CARNMT1: variants seen among roughly 807,000 people sequenced by gnomAD.
CARNMT1 encodes carnosine N-methyltransferase 1, also known as protein-L-histidine N-pros-methyltransferase CARNMT1.
In CARNMT1, 28 loss-of-function variants were observed where a neutral mutation model predicts 49.6. The ratio of observed to expected loss-of-function variants is 0.56; its 90% CI spans 0.42 to 0.77. CARNMT1 has a LOEUF of 0.77. Among genes scored for constraint, CARNMT1 ranks in the 30% least tolerant of loss-of-function variants. CARNMT1 has a pLI of 0.00. For missense variants in CARNMT1, 421 were observed against 512.6 expected, an observed-to-expected ratio of 0.82 and a Z score of 1.73; for synonymous variants, 178 against 175.0, an observed-to-expected ratio of 1.02 and a Z score of -0.13.
intron 1 of CARNMT1, among the ~76,000 whole-genome samples, chr9:75,022,517 C>A (rs117446541): frequency 0.015 from 2,274 of 152,282 alleles, 28 homozygotes; most frequent in Middle Eastern, 0.031. Flanking sequence ...AGCCCCTACA[C>A]CTGGCCAGGA....
At chr9:75,016,166 C>T in intron 3 of CARNMT1, 102 bp downstream of exon 3, 1 of 849,726 alleles carries the variant, frequency 1.2e-6, no homozygotes, top group Non-Finnish European at 1.9e-6. Context: ...CATACAGGCA[C>T]ACAGCAACTA....
At chr9:75,016,528 A>C in intron 2 of CARNMT1, 97 bp from the exon 3 acceptor site, 8 of 1,158,998 alleles carry the variant, frequency 6.9e-6, no homozygotes, top group Non-Finnish European at 8.6e-6. Context: ...TAGGTGGTTT[A>C]GTGGATAAAT....
In CARNMT1 at chr9:75,017,504, T is replaced by C. The variant is rs547420060; in HGVS notation, c.231-56A>G. The stretch of plus-strand genomic sequence containing the variant: ...CAAAAGAATTCTCACCAGAGGCCAA[T>C]CTTACTTTAAGGTTGTCTTTCTGTA... On this transcript the variant is annotated intron_variant, in intron 1 of 7. Coordinates refer to ENST00000376834, the MANE Select transcript of CARNMT1 (RefSeq NM_152420.3). 5 of 1,443,130 alleles carry C rather than the reference T, an allele frequency of 3.5e-6. No individual in the cohort carries two copies. The African/African-American group carries it at 7.0e-5, about 20-fold the overall frequency. 89.4% of individuals were successfully genotyped at this position (1,443,130 alleles called of 1,614,324 possible).
At chr9:74,985,792 C>CTGG (rs1832818601) in intron 6 of CARNMT1, among the ~76,000 whole-genome samples, 1 of 152,178 alleles carries the variant, frequency 6.6e-6, no homozygotes, top group Non-Finnish European at 1.5e-5. Flanking sequence ...GTTGGCCAGG[C>CTGG]TGGTCTTGAA....
chr9:75,003,698 CATA>C (rs377757014), intron 3 of CARNMT1, among the ~76,000 whole-genome samples: 50 of 152,332 alleles, frequency 3.3e-4, no homozygotes, highest in African/African-American at 1.2e-3. Flanking sequence ...CTTTCACTAT[CATA>C]ATGTTAAAAC....
At chr9:74,986,774 T>C (rs757004275) in intron 6 of CARNMT1, among the ~76,000 whole-genome samples, 6 of 152,210 alleles carry the variant, frequency 3.9e-5, no homozygotes, top group Non-Finnish European at 7.3e-5. Flanking sequence ...CTACTGCTCA[T>C]TCTTCTTAAT....
In CARNMT1 at chr9:74,982,677, GA is replaced by G. The variant is rs571068932; in HGVS notation, c.*1089del. 1.2e-4 allele frequency: 18 copies of G among 151,992 alleles called. No homozygotes were observed. The South Asian group carries it at 3.5e-3, about 30-fold the overall frequency. The allele number at this position is 151,992 out of a possible 1,614,324, so 9.4% of individuals were successfully genotyped here. ...TTTCCTAGTATATAATTTTTTTAAT[GA>G]AAAAAGTGCTTGCTTTCATAATCCA... On this transcript the variant is annotated 3_prime_UTR_variant, in exon 8 of 8. Transcript: ENST00000376834.
rs146025166 is a variant in CARNMT1, at chr9:74,998,689, G to T, written c.819C>A (p.Ile273=). 1.6e-4 allele frequency: 251 copies of T among 1,609,064 alleles called. 1 individual carries two copies. Among genetic ancestry groups the T allele is most frequent in the Middle Eastern group, 1.2e-3 (7 of 6,048 alleles). ...TGTGGGGGTCAACATCAGGGAAAAA[G>T]ATGGGTCGAATCTGATCAGCTGATC... ...NRRSADQIRP[I]FFPDVDPHSL... The change falls in exon 5 of 8, where the codon ATC becomes ATA. Residue 273 remains isoleucine, a synonymous_variant. Transcript: ENST00000376834.
intron 3 of CARNMT1, chr9:75,015,806 A>G (rs1833831232): frequency 6.6e-6 from 1 of 150,496 alleles, no homozygotes; most frequent in Admixed American, 6.6e-5. Flanking sequence ...AAATAAATAA[A>G]TAAATAAATA....
chr9:75,022,213 CTTTTT>C (rs35783706), intron 1 of CARNMT1, among the ~76,000 whole-genome samples: 6 of 77,008 alleles, frequency 7.8e-5, no homozygotes, highest in East Asian at 3.6e-4. Flanking sequence ...AGAAGGAATA[CTTTTT>C]TTTTTTTTTT....
intron 5 of CARNMT1, 132 bp downstream of exon 5, chr9:74,998,466 C>CT: frequency 1.5e-6 from 1 of 668,954 alleles, no homozygotes; most frequent in Non-Finnish European, 2.3e-6. Context: ...TGAAAACATT[C>CT]TAAATTGACA....
intron 1 of CARNMT1, among the ~76,000 whole-genome samples, chr9:75,019,921 T>G (rs1455112863): frequency 6.6e-6 from 1 of 152,206 alleles, no homozygotes; most frequent in Non-Finnish European, 1.5e-5. Context: ...GTTACTCCCA[T>G]CACCATCTGG....
intron 6 of CARNMT1, 198 bp downstream of exon 6, chr9:74,996,249 A>T (rs1349073235): frequency 4.2e-6 from 2 of 473,718 alleles, no homozygotes; most frequent in Non-Finnish European, 7.5e-6. Context: ...CCTAAGTGTG[A>T]ATATACAACT....
At chr9:75,028,301 CG>C, upstream of CARNMT1, 1 of 1,333,282 alleles carries the variant, frequency 7.5e-7, no homozygotes, top group Non-Finnish European at 9.5e-7. Flanking sequence ...AGCGTGGTGG[CG>C]GCTGCTTGGC....
chr9:74,990,143 C>A (rs137928223), intron 6 of CARNMT1, among the ~76,000 whole-genome samples: 1 of 152,066 alleles, frequency 6.6e-6, no homozygotes, highest in Non-Finnish European at 1.5e-5. Flanking sequence ...GGGATCCCCC[C>A]GCAAAGCTGA....
At chr9:75,025,779 G>A (rs1004710112) in intron 1 of CARNMT1, among the ~76,000 whole-genome samples, 9 of 151,942 alleles carry the variant, frequency 5.9e-5, no homozygotes, top group Admixed American at 2.0e-4. Flanking sequence ...GTGTAGAACC[G>A]GATTGTCCAT....
intron 3 of CARNMT1, among the ~76,000 whole-genome samples, chr9:75,000,754 T>C (rs1040507928): frequency 4.6e-5 from 7 of 152,178 alleles, no homozygotes; most frequent in African/African-American, 1.7e-4. Context: ...CAAATCCAAT[T>C]TCCAAATCTA....
At chr9:75,001,078 C>CATG (rs1833338410) in intron 3 of CARNMT1, among the ~76,000 whole-genome samples, 1 of 152,052 alleles carries the variant, frequency 6.6e-6, no homozygotes. Context: ...CCAATCATAA[C>CATG]ATGCATTTCT....
chr9:75,023,607 A>C (rs964244040), intron 1 of CARNMT1, among the ~76,000 whole-genome samples: 1 of 152,174 alleles, frequency 6.6e-6, no homozygotes, highest in Non-Finnish European at 1.5e-5. Context: ...GATCTTACTA[A>C]AGTTGAGAAT....
Sources: gnomAD v4.1 joint callset for allele counts (sites outside exome capture counted in the v4.1 genomes callset) on GRCh38, gnomAD v4.1.1 for gene constraint, MANE v1.5 for transcripts, NCBI Gene and HGNC (gene_info 2026-07-23, HGNC 2026-07-21) for gene names.